The following PTPA variants were observed in gnomAD, a reference collection of about 807,000 sequenced individuals.
The protein encoded by PTPA is protein phosphatase 2 phosphatase activator.
A neutral mutation model predicts 43.6 loss-of-function variants in PTPA; 13 were observed. That is an observed-to-expected ratio of 0.30 (90% CI 0.19 to 0.47). The LOEUF is 0.47. Ranked by LOEUF, PTPA falls within the 20% of genes least tolerant of loss-of-function variation. The pLI, the probability that PTPA is intolerant of heterozygous loss-of-function variation, is 0.99. For synonymous variants in PTPA, 172 were observed against 158.2 expected, an observed-to-expected ratio of 1.09 and a Z score of -0.66; for missense variants, 329 against 411.9, an observed-to-expected ratio of 0.80 and a Z score of 1.74.
intron 5 of PTPA, 135 bp from the exon 6 acceptor site, chr9:129,134,660 G>A: frequency 3.1e-6 from 2 of 650,000 alleles, no homozygotes. Flanking sequence ...TCTGAATGGG[G>A]AAGAGGTCTC....
At chr9:129,129,582 G>A (rs1849817134) in intron 4 of PTPA, among the ~76,000 whole-genome samples, 1 of 151,716 alleles carries the variant, frequency 6.6e-6, no homozygotes. Context: ...CCATTCTCCT[G>A]CCTCAGCCTT....
intron 3 of PTPA, chr9:129,127,955 T>C: frequency 1.5e-6 from 2 of 1,319,278 alleles, no homozygotes; most frequent in Non-Finnish European, 1.0e-6. Flanking sequence ...AGATTATGTT[T>C]ATATGTAGAT....
At chr9:129,117,299 G>A (rs375826271) in intron 1 of PTPA, among the ~76,000 whole-genome samples, 17 of 152,150 alleles carry the variant, frequency 1.1e-4, no homozygotes, top group East Asian at 1.9e-4. Flanking sequence ...TGCCTGCCTC[G>A]GCCTCCCGAA....
At chr9:129,147,253 A>G (rs1293028174) in intron 9 of PTPA, 134 bp from the exon 10 acceptor site, 1 of 744,314 alleles carries the variant, frequency 1.3e-6, no homozygotes, top group African/African-American at 1.7e-5. Flanking sequence ...TGGGGGAGGA[A>G]GGCCTGGGGG....
chr9:129,137,846 C>A, intron 8 of PTPA, 154 bp downstream of exon 8: 1 of 724,006 alleles, frequency 1.4e-6, no homozygotes, highest in Non-Finnish European at 2.5e-6. Context: ...CACCACTGGG[C>A]CTCTTCCGAA....
At chr9:129,127,824 T>G in intron 3 of PTPA, 1 of 461,468 alleles carries the variant, frequency 2.2e-6, no homozygotes. Context: ...TACCATAGCA[T>G]TGTGTATGAA....
chr9:129,131,619 C>T lies in PTPA; in HGVS notation c.440C>T (p.Thr147Met), dbSNP rs1276793621. The T allele has an allele frequency of 5.6e-6, 9 of 1,613,968 alleles. No homozygotes were observed. The highest frequency in any genetic ancestry group is 7.6e-6 in the Non-Finnish European group (9 of 1,179,924). Residue 147 changes from threonine to methionine, a missense_variant, in exon 5 of 10, where the codon ACG becomes ATG. Thr to Met is a moderately conservative substitution (Grantham distance 81). Coordinates refer to ENST00000393370, the MANE Select transcript of PTPA (RefSeq NM_178000.3). ...VYLKESVGNS[T>M]RIDYGTGHEA... is the part of the protein sequence containing the mutation. ...CTAAAGGAGTCAGTGGGGAACTCCACGCGCATTGACTACGGCACAGGTATC... is the reference window on the plus strand; with the variant it reads ...CTAAAGGAGTCAGTGGGGAACTCCATGCGCATTGACTACGGCACAGGTATC...
At chr9:129,147,080 C>CT (rs1311879206) in intron 9 of PTPA, among the ~76,000 whole-genome samples, 1 of 152,226 alleles carries the variant, frequency 6.6e-6, no homozygotes, top group Non-Finnish European at 1.5e-5. Context: ...CAGGAGGGTT[C>CT]TTTCCACCTC....
At chr9:129,120,223 A>G (rs1218709443) in intron 1 of PTPA, among the ~76,000 whole-genome samples, 1 of 151,366 alleles carries the variant, frequency 6.6e-6, no homozygotes, top group African/African-American at 2.4e-5. Context: ...GCGCCACTGC[A>G]CTCCAGCCTG....
intron 1 of PTPA, among the ~76,000 whole-genome samples, chr9:129,115,934 C>T (rs556338395): frequency 2.6e-5 from 4 of 152,282 alleles, no homozygotes; most frequent in Non-Finnish European, 2.9e-5. Flanking sequence ...TGAGCCACCG[C>T]GCCTGGCCAA....
chr9:129,137,865 T>TGCTGACTGTCAGGTCCTCC (rs1850482907), intron 8 of PTPA, 173 bp downstream of exon 8: 3 of 673,708 alleles, frequency 4.5e-6, no homozygotes, highest in Admixed American at 2.2e-5. Flanking sequence ...AAAGAGCCGC[T>TGCTGACTGTCAGGTCCTCC]GCTGACTGTC....
intron 8 of PTPA, chr9:129,139,239 T>G (rs1850592806): frequency 6.6e-6 from 1 of 152,230 alleles, no homozygotes; most frequent in Non-Finnish European, 1.5e-5. Flanking sequence ...GTTGGTTGAT[T>G]TTGTTGGTAT....
chr9:129,125,701 T>C (rs1361815091), intron 3 of PTPA, among the ~76,000 whole-genome samples: 1 of 152,196 alleles, frequency 6.6e-6, no homozygotes, highest in East Asian at 1.9e-4. Flanking sequence ...AGACTAGTCA[T>C]GGCCCCCTGG....
chr9:129,144,337 C>G lies in PTPA; in HGVS notation c.894+1785C>G, dbSNP rs980948660. Among the ~76,000 whole-genome samples, 17 of 152,032 alleles carry G rather than the reference C, an allele frequency of 1.1e-4. No individual in the cohort carries two copies. The South Asian group carries it at 3.5e-3, about 32-fold the overall frequency. ...ATGACCAACTCAGGATGGGGGAGCT[C>G]TCTAGTAATCTGAAAAAGGGAGATT... On this transcript the variant is annotated intron_variant, in intron 9 of 9. Transcript: ENST00000393370.
intron 8 of PTPA, chr9:129,137,994 C>G: frequency 1.1e-5 from 4 of 355,440 alleles, no homozygotes; most frequent in Non-Finnish European, 1.6e-5. Flanking sequence ...CTGAAAGGGT[C>G]GGGGCGGGCG....
At chr9:129,142,419 T>A in intron 8 of PTPA, 26 bp from the exon 9 acceptor site, 1 of 1,547,014 alleles carries the variant, frequency 6.5e-7, no homozygotes, top group South Asian at 1.2e-5. Context: ...AACCTGTCTC[T>A]TCAGCTTGTG....
intron 5 of PTPA, among the ~76,000 whole-genome samples, chr9:129,132,453 T>A (rs1850044299): frequency 6.6e-6 from 1 of 152,092 alleles, no homozygotes; most frequent in Non-Finnish European, 1.5e-5. Flanking sequence ...CCTCTGCATC[T>A]CCCCACTCCC....
intron 3 of PTPA, among the ~76,000 whole-genome samples, chr9:129,123,365 A>T (rs1037322557): frequency 1.3e-5 from 2 of 151,920 alleles, no homozygotes; most frequent in Non-Finnish European, 2.9e-5. Flanking sequence ...CCAGCTACTC[A>T]GGAGGCTGAG....
intron 3 of PTPA, among the ~76,000 whole-genome samples, chr9:129,124,427 C>CA (rs1170833593): frequency 6.6e-6 from 1 of 152,206 alleles, no homozygotes; most frequent in Non-Finnish European, 1.5e-5. Context: ...CATCCCCGCA[C>CA]ATAGATCTGT....
Sources: gnomAD v4.1 joint callset for allele counts (sites outside exome capture counted in the v4.1 genomes callset) on GRCh38, gnomAD v4.1.1 for gene constraint, MANE v1.5 for transcripts, NCBI Gene and HGNC (gene_info 2026-07-23, HGNC 2026-07-21) for gene names.